Variants in CREB3L3 observed in about 807,000 individuals in gnomAD.
CREB3L3 encodes the protein cAMP responsive element binding protein 3 like 3, also known as cyclic AMP-responsive element-binding protein 3-like protein 3.
In CREB3L3, 40 loss-of-function variants were observed where a neutral mutation model predicts 44.6. That is an observed-to-expected ratio of 0.90 (90% CI 0.70 to 1.17). The LOEUF (loss-of-function observed/expected upper bound fraction) is 1.17, where lower values mean the gene tolerates loss of function less well. Ranked by LOEUF, CREB3L3 falls within the 50% of genes most tolerant of loss-of-function variation. The pLI is 0.00. For synonymous variants in CREB3L3, 273 were observed against 256.3 expected, an observed-to-expected ratio of 1.06 and a Z score of -0.62; for missense variants, 578 against 595.8, an observed-to-expected ratio of 0.97 and a Z score of 0.31.
At chr19:4,157,905 G>A (rs1335067125) in intron 3 of CREB3L3, among the ~76,000 whole-genome samples, 2 of 151,734 alleles carry the variant, frequency 1.3e-5, no homozygotes, top group Non-Finnish European at 2.9e-5. Context: ...GGCTGGTCTT[G>A]AACTCCTGAG....
chr19:4,171,175 A>C lies in CREB3L3; in HGVS notation c.975A>C (p.Ala325=), dbSNP rs545624845. ...SKSAQTGTCV[A]VLLLSFALII... Reference sequence around the variant, plus strand: ...CAGCCCAGACAGGCACCTGTGTCGCAGTGAGTCCTGGTGCCCCCAGGCAAG... The same window carrying C: ...CAGCCCAGACAGGCACCTGTGTCGCCGTGAGTCCTGGTGCCCCCAGGCAAG... Residue 325 remains alanine (A), a splice_region_variant and synonymous_variant, in exon 8 of 10, where the codon GCA becomes GCC. Coordinates refer to ENST00000078445, the MANE Select transcript of CREB3L3 (RefSeq NM_032607.3). This position sits in a 1 kb window ranked among gnomAD's most constrained non-coding sequence, Gnocchi z 4.9. 1 of 1,613,774 alleles carries C rather than the reference A, an allele frequency of 6.2e-7. No individual in the cohort carries two copies. The highest frequency in any genetic ancestry group is 8.5e-7 in the Non-Finnish European group (1 of 1,179,682).
chr19:4,171,020 A>C lies in CREB3L3; in HGVS notation c.891-71A>C. On this transcript the variant is annotated intron_variant, in intron 7 of 9. Transcript: ENST00000078445. This position sits in a 1 kb window ranked among gnomAD's most constrained non-coding sequence, Gnocchi z 4.9. ...ATTTGGACTTTAGCGGGGCTGGGGG[A>C]CCCCGGAAATGGACGAGAAGCAGAA... 8.6e-7 allele frequency: 1 copy of C among 1,168,530 alleles called. No individual in the cohort carries two copies. The highest frequency in any genetic ancestry group is 1.3e-6 in the Non-Finnish European group (1 of 773,340). 72.4% of individuals were successfully genotyped at this position (1,168,530 alleles called of 1,614,324 possible).
intron 2 of CREB3L3, 129 bp downstream of exon 2, chr19:4,155,156 C>T: frequency 8.5e-7 from 1 of 1,171,722 alleles, no homozygotes; most frequent in Non-Finnish European, 1.2e-6. Context: ...ACTAATGGGT[C>T]ACGGTGCTTG....
intron 4 of CREB3L3, among the ~76,000 whole-genome samples, chr19:4,161,849 ACTGTT>A (rs1324442208): frequency 2.6e-5 from 4 of 152,158 alleles, no homozygotes; most frequent in Admixed American, 2.6e-4. Flanking sequence ...GGGGCGATGT[ACTGTT>A]CATTAAGGTG....
Position 4,172,195 on chromosome 19 carries a change from C to T in CREB3L3, c.*226C>T, listed in dbSNP as rs1274303633. 6 of 603,302 alleles carry T rather than the reference C, an allele frequency of 9.9e-6. No homozygotes were observed. The East Asian group carries it at 1.7e-4, about 17-fold the overall frequency. 37.4% of individuals were successfully genotyped at this position (603,302 alleles called of 1,614,324 possible). A position where few individuals can be genotyped will look rare whatever the true frequency, so the allele number is the denominator to read the frequency against. ...AGAGGGCCACAGGACCCGGGAAATA[C>T]ACACAGAGCCAGGAGCAGAAGCAAA... On this transcript the variant is annotated 3_prime_UTR_variant, in exon 10 of 10. Coordinates refer to ENST00000078445, the MANE Select transcript of CREB3L3 (RefSeq NM_032607.3).
Position 4,171,602 on chromosome 19 carries a change from G to A in CREB3L3, c.1073-54G>A. On this transcript the variant is annotated intron_variant, in intron 9 of 9. Coordinates refer to ENST00000078445, the MANE Select transcript of CREB3L3 (RefSeq NM_032607.3). The surrounding 1 kb of genome is among the most constrained non-coding windows in gnomAD (Gnocchi z 4.9). ...CTGAGGCTGGGGGCCAGGGAAGGGA[G>A]CATAGGACCCCACCTCCACCTTGTC... 2 of 1,604,326 alleles carry A rather than the reference G, an allele frequency of 1.2e-6. No individual in the cohort carries two copies. The highest frequency in any genetic ancestry group is 1.1e-5 in the South Asian group (1 of 90,882).
intron 5 of CREB3L3, 25 bp downstream of exon 5, chr19:4,164,665 C>G (rs769361335): frequency 1.2e-6 from 2 of 1,613,524 alleles, no homozygotes; most frequent in East Asian, 4.5e-5. Flanking sequence ...ACTTCCAGCC[C>G]TGGATCCATC....
At chr19:4,157,822 A>T (rs1301649010) in intron 3 of CREB3L3, among the ~76,000 whole-genome samples, 2 of 152,054 alleles carry the variant, frequency 1.3e-5, no homozygotes, top group Admixed American at 6.6e-5. Flanking sequence ...AGTAGCTGGG[A>T]TCACAAGCAT....
Position 4,155,651 on chromosome 19 carries a change from C to T in CREB3L3, c.156+624C>T, listed in dbSNP as rs372980341. 1.1e-3 allele frequency among the ~76,000 whole-genome samples: 173 copies of T among 151,986 alleles called. 1 individual carries two copies. The highest frequency in any genetic ancestry group is 4.0e-3 in the African/African-American group (164 of 41,482). The stretch of plus-strand genomic sequence containing the variant: ...GATTACAGGCGTGTGCCACCGCGCC[C>T]GGCCCACTTTCTTTTTTTTCTTTCT... On this transcript the variant is annotated intron_variant, in intron 2 of 9. Coordinates refer to ENST00000078445, the MANE Select transcript of CREB3L3 (RefSeq NM_032607.3).
rs200917098 is a variant in CREB3L3 at position 4,154,966 on chromosome 19, G to A, written c.95G>A (p.Arg32Gln). 248 of 1,613,184 alleles carry A rather than the reference G, an allele frequency of 1.5e-4. No homozygotes were observed. The highest frequency in any genetic ancestry group is 1.9e-4 in the Non-Finnish European group (230 of 1,179,998). Reference protein sequence around the residue: ...SFELLDLLFDRQDGILRHVEL... With the variant: ...SFELLDLLFDQQDGILRHVEL... The stretch of plus-strand genomic sequence containing the variant: ...GAGCTCCTGGATCTCCTGTTTGACC[G>A]GCAGGACGGCATCCTGAGACACGTG... The change falls in exon 2 of 10, where the codon CGG (arginine) becomes CAG (glutamine). Residue 32 changes from arginine (R) to glutamine (Q), a missense_variant. By Grantham distance (43) the Arg-to-Gln change is conservative. Coordinates refer to ENST00000078445, the MANE Select transcript of CREB3L3 (RefSeq NM_032607.3).
At position 4,172,302 on chromosome 19, in the gene CREB3L3, G is replaced by A; in HGVS notation, c.*333G>A. The stretch of plus-strand genomic sequence containing the variant: ...AGACCCGGACAGACAGACACAGCCT[G>A]AAACAGACCCAGACAAACAGACAGA... On this transcript the variant is annotated 3_prime_UTR_variant, in exon 10 of 10. Transcript: ENST00000078445. 1 of 478,852 alleles carries A rather than the reference G, an allele frequency of 2.1e-6. No individual in the cohort carries two copies. The highest frequency in any genetic ancestry group is 3.8e-6 in the Non-Finnish European group (1 of 265,326). 29.7% of individuals were successfully genotyped at this position (478,852 alleles called of 1,614,324 possible). A position where few individuals can be genotyped will look rare whatever the true frequency, so the allele number is the denominator to read the frequency against.
In CREB3L3 at chr19:4,171,787, G is replaced by A; in HGVS notation, c.1204G>A (p.Asp402Asn). Residue 402 changes from aspartate (D) to asparagine (N), a missense_variant, in exon 10 of 10, where the codon GAC (aspartate) becomes AAC (asparagine). By Grantham distance (23) the Asp-to-Asn change is conservative. Transcript: ENST00000078445. The surrounding 1 kb of genome is among the most constrained non-coding windows in gnomAD (Gnocchi z 4.9). ...AGAGTCTCCAGGAAGCCCCGGGGCA[G>A]ACTGGGGCTTCCAGGACACCGCGAA... ...REESPGSPGA[D>N]WGFQDTANLT... 6.2e-7 allele frequency: 1 copy of A among 1,613,558 alleles called. No individual in the cohort carries two copies. Among genetic ancestry groups the A allele is most frequent in the Non-Finnish European group, 8.5e-7 (1 of 1,180,016 alleles).
chr19:4,163,659 C>A (rs1449713604), intron 4 of CREB3L3, among the ~76,000 whole-genome samples: 1 of 151,766 alleles, frequency 6.6e-6, no homozygotes, highest in Non-Finnish European at 1.5e-5. Context: ...ATTGCAGGCA[C>A]GTGCCACCAC....
At position 4,171,229 on chromosome 19, in the gene CREB3L3, C is replaced by T; in HGVS notation, c.975+54C>T. On this transcript the variant is annotated intron_variant, in intron 8 of 9. Transcript: ENST00000078445. The surrounding 1 kb of genome is among the most constrained non-coding windows in gnomAD (Gnocchi z 4.9). Reference sequence around the variant, plus strand: ...GGGACCTAGGCTTCTGTAGAGGGGCCCATAGGGAGGTGACAATGAGTCCAA... The same window carrying T: ...GGGACCTAGGCTTCTGTAGAGGGGCTCATAGGGAGGTGACAATGAGTCCAA... 1 of 1,532,282 alleles carries T rather than the reference C, an allele frequency of 6.5e-7. No individual in the cohort carries two copies. The highest frequency in any genetic ancestry group is 1.1e-5 in the South Asian group (1 of 89,426). 94.9% of individuals were successfully genotyped at this position (1,532,282 alleles called of 1,614,324 possible).
In CREB3L3 at chr19:4,171,252, C is replaced by T; in HGVS notation, c.975+77C>T. On this transcript the variant is annotated intron_variant, in intron 8 of 9. Coordinates refer to ENST00000078445, the MANE Select transcript of CREB3L3 (RefSeq NM_032607.3). The surrounding 1 kb of genome is among the most constrained non-coding windows in gnomAD (Gnocchi z 4.9). ...GCCCATAGGGAGGTGACAATGAGTCCAAGCTCTCCTTGTGCCCCAGCTCAA... is the reference window on the plus strand; with the variant it reads ...GCCCATAGGGAGGTGACAATGAGTCTAAGCTCTCCTTGTGCCCCAGCTCAA... 3 of 1,472,936 alleles carry T rather than the reference C, an allele frequency of 2.0e-6. No homozygotes were observed. The South Asian group carries it at 3.4e-5, about 17-fold the overall frequency. 91.2% of individuals were successfully genotyped at this position (1,472,936 alleles called of 1,614,324 possible).
At chr19:4,168,099 T>C (rs1220033036) in intron 5 of CREB3L3, among the ~76,000 whole-genome samples, 13 of 151,510 alleles carry the variant, frequency 8.6e-5, no homozygotes, top group South Asian at 2.1e-4. Context: ...CCCGGGTTCA[T>C]GCCATTCTCC....
At chr19:4,156,506 CTTT>C (rs1019504419) in intron 2 of CREB3L3, among the ~76,000 whole-genome samples, 2 of 121,722 alleles carry the variant, frequency 1.6e-5, no homozygotes. Context: ...TTCTTTTTTT[CTTT>C]TTTTTTTTTT....
rs755099145 is a variant in CREB3L3 at position 4,171,391 on chromosome 19, G to T, written c.984G>T (p.Leu328Phe). ...AQTGTCVAVL[L>F]LSFALIILPS... ...GCCGCTGTCTCCACCAGGTCCTGTT[G>T]CTGTCCTTTGCCCTCATCATCCTCC... Residue 328 changes from leucine to phenylalanine, a missense_variant, in exon 9 of 10, where the codon TTG becomes TTT. By Grantham distance (22) the Leu-to-Phe change is conservative (BLOSUM62 0). Transcript: ENST00000078445. This position sits in a 1 kb window ranked among gnomAD's most constrained non-coding sequence, Gnocchi z 4.9. The T allele has an allele frequency of 1.2e-6, 2 of 1,614,110 alleles. No homozygotes were observed. Among genetic ancestry groups the T allele is most frequent in the East Asian group, 4.5e-5 (2 of 44,882 alleles).
chr19:4,159,436 C>G (rs2041630259), intron 3 of CREB3L3, among the ~76,000 whole-genome samples: 1 of 110,536 alleles, frequency 9.0e-6, no homozygotes, highest in Non-Finnish European at 2.1e-5. Context: ...CAGGCGTGAG[C>G]CACCATGACT....
Sources: gnomAD v4.1 joint callset for allele counts (sites outside exome capture counted in the v4.1 genomes callset) on GRCh38, gnomAD v4.1.1 for gene constraint, Gnocchi (gnomAD v3.1) non-coding constraint, MANE v1.5 for transcripts, NCBI Gene and HGNC (gene_info 2026-07-23, HGNC 2026-07-21) for gene names.